Variants in SLC9A6 observed in about 807,000 individuals in gnomAD.
SLC9A6 encodes the protein solute carrier family 9 member A6.
SLC9A6 carries 6 observed loss-of-function variants against 45.3 expected under a neutral mutation model. That is an observed-to-expected ratio of 0.13 (90% CI 0.07 to 0.26). SLC9A6 has a LOEUF of 0.26. Among genes scored for constraint, SLC9A6 ranks in the 10% least tolerant of loss-of-function variants. The pLI is 1.00. For synonymous variants in SLC9A6, 191 were observed against 187.7 expected, an observed-to-expected ratio of 1.02 and a Z score of -0.14; for missense variants, 278 against 503.7, an observed-to-expected ratio of 0.55 and a Z score of 4.29.
At chrX:136,030,741 T>C (rs1556621039) in intron 15 of SLC9A6, among the ~76,000 whole-genome samples, 1 of 111,686 alleles carries the variant, frequency 9.0e-6, no homozygotes, top group Non-Finnish European at 1.9e-5. Context: ...CTTGAGCCCG[T>C]TGGACTGAAT....
At chrX:136,044,189 G>A (rs150096167) in intron 17 of SLC9A6, among the ~76,000 whole-genome samples, 21 of 111,265 alleles carry the variant, frequency 1.9e-4, no homozygotes, top group South Asian at 1.5e-3. Context: ...GAGAAAGCAC[G>A]AGGAGTCTGG....
Position 136,038,736 on chromosome X carries a change from C to CT in SLC9A6, c.1662-1329dup, listed in dbSNP as rs1179660987. On this transcript the variant is annotated intron_variant, in intron 16 of 17. Transcript: ENST00000630721. ...TACAGGACTATCTAGGTTTTTTTTT[C>CT]TTTTTTTTTTTCTTTTTTTAAAACC... 1.7e-3 allele frequency among the ~76,000 whole-genome samples: 161 copies of CT among 92,138 alleles called. 7 individuals carry two copies. Among genetic ancestry groups the CT allele is most frequent in the East Asian group, 5.8e-3 (17 of 2,943 alleles). 80.0% of individuals were successfully genotyped at this position (92,138 alleles called of 115,157 possible).
At chrX:135,997,255 C>T (rs1038954284) in intron 3 of SLC9A6, among the ~76,000 whole-genome samples, 36 of 109,603 alleles carry the variant, frequency 3.3e-4, no homozygotes, top group Non-Finnish European at 1.1e-4. Flanking sequence ...GGGGTTTTGC[C>T]ATGTCGGTCA....
chrX:136,046,713 C>G lies in SLC9A6; in HGVS notation c.*1989C>G, dbSNP rs1273957413. On this transcript the variant is annotated 3_prime_UTR_variant, in exon 18 of 18. Coordinates refer to ENST00000630721, the MANE Select transcript of SLC9A6 (RefSeq NM_001379110.1). Reference sequence around the variant, plus strand: ...TCATACTTTATCAAGGGGAACCAAGCCTGCTGTGCTTACATCAGCATCTGG... The same window carrying G: ...TCATACTTTATCAAGGGGAACCAAGGCTGCTGTGCTTACATCAGCATCTGG... 2 of 112,387 alleles carry G rather than the reference C, an allele frequency of 1.8e-5. No homozygotes were observed. Among genetic ancestry groups the G allele is most frequent in the African/African-American group, 6.5e-5 (2 of 30,796 alleles). The allele number at this position is 112,387 out of a possible 1,213,427, so 9.3% of individuals were successfully genotyped here.
intron 3 of SLC9A6, among the ~76,000 whole-genome samples, chrX:135,997,398 C>CTTTTTTT (rs1180028983): frequency 1.6e-5 from 1 of 63,304 alleles, no homozygotes; most frequent in Non-Finnish European, 2.9e-5. Context: ...CATGCTTTCT[C>CTTTTTTT]TTTTTTTTTT....
chrX:136,037,663 C>T (rs910240679), intron 16 of SLC9A6, among the ~76,000 whole-genome samples: 2 of 112,033 alleles, frequency 1.8e-5, no homozygotes, highest in African/African-American at 3.2e-5. Context: ...CTCTGCCTCC[C>T]GGATTCAAGT....
rs372896218 is a variant in SLC9A6, at chrX:136,026,364, A to G, written c.1460+1881A>G. 5.4e-5 allele frequency among the ~76,000 whole-genome samples: 6 copies of G among 111,876 alleles called. No homozygotes were observed. The East Asian group carries it at 8.4e-4, about 16-fold the overall frequency. On this transcript the variant is annotated intron_variant, in intron 13 of 17. Transcript: ENST00000630721. ...AACCTTTTAAAGCCTCGGTTTCCTC[A>G]TCTGTAACATGTATGTTATAGTACC...
intron 15 of SLC9A6, among the ~76,000 whole-genome samples, chrX:136,031,049 A>G (rs781991962): frequency 2.2e-4 from 25 of 111,989 alleles, no homozygotes; most frequent in Middle Eastern, 9.3e-3. Flanking sequence ...GTGTGAATGT[A>G]TGTATGAGAT....
At chrX:136,038,047 T>C (rs2071441413) in intron 16 of SLC9A6, among the ~76,000 whole-genome samples, 1 of 111,979 alleles carries the variant, frequency 8.9e-6, no homozygotes, top group Non-Finnish European at 1.9e-5. Flanking sequence ...TCAGCTTTTT[T>C]AGGGGACTTC....
In SLC9A6 at chrX:135,999,161, C is replaced by CT. The variant is rs1241262472; in HGVS notation, c.637+206dup. On this transcript the variant is annotated intron_variant, in intron 6 of 17. Transcript: ENST00000630721. ...TCAGCACAAATTTGTTTTCCTTTTC[C>CT]TTTTTTTTTTTTTAATTACATTTGC... Among the ~76,000 whole-genome samples the CT allele has an allele frequency of 7.1e-3, 715 of 100,237 alleles. 1 individual carries two copies. The highest frequency in any genetic ancestry group is 0.012 in the Non-Finnish European group (578 of 48,927). The allele number at this position is 100,237 out of a possible 115,157, so 87.0% of individuals were successfully genotyped here.
chrX:136,044,807 A>C lies in SLC9A6; in HGVS notation c.*83A>C. ...TTGTACTACCTAAAAGTCCCAGTGC[A>C]TGTCTCTGAATGTGTAAGCTATATA... is the stretch of plus-strand genomic sequence containing the variant. On this transcript the variant is annotated 3_prime_UTR_variant, in exon 18 of 18. Coordinates refer to ENST00000630721, the MANE Select transcript of SLC9A6 (RefSeq NM_001379110.1). The C allele has an allele frequency of 1.2e-6, 1 of 823,575 alleles. No individual in the cohort carries two copies. Among genetic ancestry groups the C allele is most frequent in the South Asian group, 2.1e-5 (1 of 47,216 alleles). 67.9% of individuals were successfully genotyped at this position (823,575 alleles called of 1,213,427 possible).
chrX:136,015,683 A>G (rs1556619211), intron 10 of SLC9A6, among the ~76,000 whole-genome samples: 1 of 112,293 alleles, frequency 8.9e-6, no homozygotes, highest in East Asian at 2.8e-4. Context: ...AGCATATTAA[A>G]TCATTTAAAG....
chrX:136,032,143 C>CT (rs2071335356), intron 15 of SLC9A6, among the ~76,000 whole-genome samples: 2 of 112,292 alleles, frequency 1.8e-5, no homozygotes, highest in South Asian at 7.3e-4. Context: ...TCTCAGGTCA[C>CT]TGCAACCTCC....
At chrX:135,984,035 G>A (rs1344439526), upstream of SLC9A6, among the ~76,000 whole-genome samples, 1 of 111,490 alleles carries the variant, frequency 9.0e-6, no homozygotes, top group Non-Finnish European at 1.9e-5. Context: ...TGACCTGACA[G>A]GGACAGAAAG....
intron 15 of SLC9A6, chrX:136,033,062 C>T (rs1556621336): frequency 6.7e-6 from 1 of 148,575 alleles, no homozygotes; most frequent in African/African-American, 3.2e-5. Context: ...CGGGGTTTCA[C>T]CATGTTGGTC....
intron 17 of SLC9A6, among the ~76,000 whole-genome samples, chrX:136,041,410 A>G (rs1556622596): frequency 9.0e-6 from 1 of 111,677 alleles, no homozygotes; most frequent in African/African-American, 3.3e-5. Context: ...TGGGCCAGGG[A>G]GGAGCATCCT....
In SLC9A6 at chrX:135,975,980, C is replaced by A. The variant is rs112743009; in HGVS notation, c.-57+1197C>A. ...TGACAGAGCGAGACCCTTTCTCTAA[C>A]CAAAAAAAAAAAAAAAAAAAAGTAG... On this transcript the variant is annotated intron_variant, in intron 1 of 16. Transcript: ENST00000636092. 3.5e-3 allele frequency among the ~76,000 whole-genome samples: 72 copies of A among 20,305 alleles called. No individual in the cohort carries two copies. The East Asian group carries it at 0.038, about 11-fold the overall frequency. 17.6% of individuals were successfully genotyped at this position (20,305 alleles called of 115,157 possible). A position where few individuals can be genotyped will look rare whatever the true frequency, so the allele number is the denominator to read the frequency against.
In SLC9A6 at chrX:135,994,937, T is replaced by A; in HGVS notation, c.321T>A (p.Ile107=). The A allele has an allele frequency of 8.3e-7, 1 of 1,202,958 alleles. No individual in the cohort carries two copies. Among genetic ancestry groups the A allele is most frequent in the Non-Finnish European group, 1.1e-6 (1 of 887,372 alleles). The part of the protein sequence containing the change: ...KFYEYMLKGE[I]SSHELNNVQD... ...ATGAGTATATGCTGAAAGGAGAGATTAGTTCACATGAACTCAATAATGTTC... is the reference window on the plus strand; with the variant it reads ...ATGAGTATATGCTGAAAGGAGAGATAAGTTCACATGAACTCAATAATGTTC... The change falls in exon 3 of 18, where the codon ATT becomes ATA. Residue 107 remains isoleucine, a synonymous_variant. Transcript: ENST00000630721.
In SLC9A6 at chrX:135,998,005, C is replaced by CT. The variant is rs2089529925; in HGVS notation, c.370-100dup. 6.4e-5 allele frequency: 33 copies of CT among 514,677 alleles called. No homozygotes were observed. In the South Asian group the frequency reaches 8.4e-4, roughly 13 times the overall value. The allele number at this position is 514,677 out of a possible 1,213,427, so 42.4% of individuals were successfully genotyped here. A position where few individuals can be genotyped will look rare whatever the true frequency, so the allele number is the denominator to read the frequency against. The stretch of plus-strand genomic sequence containing the variant: ...TAAGTTAGCACAGTAATGTTCTTGC[C>CT]TTTGACTAGTTTAACATATAGTATT... On this transcript the variant is annotated intron_variant, in intron 3 of 17. Transcript: ENST00000630721.
Sources: allele counts gnomAD v4.1 joint callset (sites outside exome capture counted in the v4.1 genomes callset), GRCh38; gene constraint gnomAD v4.1.1; transcripts MANE v1.5; gene names NCBI Gene and HGNC (gene_info 2026-07-23, HGNC 2026-07-21).